Variants in YWHAE observed in about 807,000 individuals in gnomAD.
YWHAE encodes the protein 14-3-3 protein epsilon.
Under a neutral mutation model 30.1 loss-of-function variants are expected in YWHAE, and 4 were observed. The observed-to-expected ratio is 0.13, with a 90% confidence interval of 0.07 to 0.30. The LOEUF is 0.30. Ranked by LOEUF, YWHAE falls within the 10% of genes least tolerant of loss-of-function variation. The probability of loss-of-function intolerance (pLI) is 1.00; values close to 1 mark genes in which losing one functional copy is unlikely to be tolerated. For missense variants in YWHAE, 121 were observed against 315.9 expected, an observed-to-expected ratio of 0.38 and a Z score of 4.68; for synonymous variants, 118 against 111.8, an observed-to-expected ratio of 1.06 and a Z score of -0.35.
At chr17:1,366,996 T>C (rs191400722) in intron 1 of YWHAE, among the ~76,000 whole-genome samples, 2 of 152,104 alleles carry the variant, frequency 1.3e-5, no homozygotes, top group African/African-American at 2.4e-5. Context: ...GGAGTGTGCC[T>C]AATGTATCCA....
At chr17:1,380,631 G>C in intron 1 of YWHAE, among the ~76,000 whole-genome samples, 1 of 152,064 alleles carries the variant, frequency 6.6e-6, no homozygotes, top group East Asian at 1.9e-4. Context: ...AAACAAAACC[G>C]GAATCCAGAC....
intron 3 of YWHAE, 138 bp from the exon 4 acceptor site, chr17:1,361,436 T>G (rs2072863784): frequency 3.1e-6 from 2 of 638,550 alleles, no homozygotes; most frequent in South Asian, 5.7e-5. Context: ...CTTCAATAAT[T>G]TTAAACACTC....
chr17:1,356,215 C>CACACAA (rs1320076580), intron 4 of YWHAE, among the ~76,000 whole-genome samples: 1 of 135,652 alleles, frequency 7.4e-6, no homozygotes, highest in South Asian at 2.4e-4. Context: ...CACACACACA[C>CACACAA]AAAATTAGCC....
chr17:1,379,461 G>C (rs528576717), intron 1 of YWHAE, among the ~76,000 whole-genome samples: 1 of 152,190 alleles, frequency 6.6e-6, no homozygotes, highest in South Asian at 2.1e-4. Flanking sequence ...CTCCAGCCTG[G>C]GCAAAGAAAG....
intron 5 of YWHAE, among the ~76,000 whole-genome samples, chr17:1,350,262 A>G (rs1555638093): frequency 1.3e-5 from 2 of 151,868 alleles, no homozygotes; most frequent in Non-Finnish European, 2.9e-5. Flanking sequence ...GTATTACCCT[A>G]TTTTAAGATG....
At chr17:1,371,063 A>G (rs1462636367) in intron 1 of YWHAE, among the ~76,000 whole-genome samples, 1 of 151,970 alleles carries the variant, frequency 6.6e-6, no homozygotes, top group Non-Finnish European at 1.5e-5. Context: ...CAGGGTGACC[A>G]AGTACTGTGT....
At chr17:1,378,763 T>A (rs2073161891) in intron 1 of YWHAE, among the ~76,000 whole-genome samples, 1 of 152,112 alleles carries the variant, frequency 6.6e-6, no homozygotes, top group Non-Finnish European at 1.5e-5. Flanking sequence ...TTGGCCAACA[T>A]GGTGAAATCC....
chr17:1,399,804 A>G, intron 1 of YWHAE: 2 of 111,202 alleles, frequency 1.8e-5, no homozygotes, highest in South Asian at 2.6e-4. Flanking sequence ...CAACTCCTCC[A>G]CCCCGTCGCC....
intron 1 of YWHAE, among the ~76,000 whole-genome samples, chr17:1,376,907 C>G (rs904647524): frequency 6.6e-6 from 1 of 151,112 alleles, no homozygotes; most frequent in African/African-American, 2.4e-5. Context: ...CTTACCAAAG[C>G]ACACAGGGTC....
intron 5 of YWHAE, among the ~76,000 whole-genome samples, chr17:1,353,282 C>A (rs1208501828): frequency 6.6e-6 from 1 of 151,072 alleles, no homozygotes; most frequent in East Asian, 2.0e-4. Flanking sequence ...ACTAAAAATA[C>A]AAAAAACTAG....
chr17:1,383,107 T>C (rs1307996004), intron 1 of YWHAE, among the ~76,000 whole-genome samples: 2 of 151,198 alleles, frequency 1.3e-5, no homozygotes, highest in African/African-American at 4.9e-5. Flanking sequence ...TCCCAGCACT[T>C]TGGGAGGCCG....
intron 5 of YWHAE, among the ~76,000 whole-genome samples, chr17:1,350,836 G>A (rs1166496432): frequency 6.6e-6 from 1 of 151,538 alleles, no homozygotes; most frequent in Non-Finnish European, 1.5e-5. Flanking sequence ...GAGGCAGGTG[G>A]ACCACGAGGT....
chr17:1,365,298 C>T (rs955437920), intron 1 of YWHAE, among the ~76,000 whole-genome samples: 3 of 152,042 alleles, frequency 2.0e-5, no homozygotes, highest in African/African-American at 7.3e-5. Flanking sequence ...CATATACTAT[C>T]TAATATAATT....
chr17:1,365,110 A>G, intron 1 of YWHAE, 52 bp from the exon 2 acceptor site: 3 of 1,559,368 alleles, frequency 1.9e-6, no homozygotes, highest in Non-Finnish European at 2.6e-6. Flanking sequence ...TTTTCTTAAC[A>G]TATTCCTTTC....
At chr17:1,395,563 T>C (rs1299626196) in intron 1 of YWHAE, among the ~76,000 whole-genome samples, 5 of 152,146 alleles carry the variant, frequency 3.3e-5, no homozygotes, top group Admixed American at 1.3e-4. Flanking sequence ...GTTCTGTCTA[T>C]GCATTTAAGA....
intron 1 of YWHAE, among the ~76,000 whole-genome samples, chr17:1,398,334 T>TCA (rs1555648138): frequency 5.9e-5 from 6 of 100,882 alleles, no homozygotes; most frequent in African/African-American, 3.1e-4. Context: ...CCCCATCTTA[T>TCA]CCCCCCCCCC....
intron 1 of YWHAE, among the ~76,000 whole-genome samples, chr17:1,366,473 G>C (rs1418552540): frequency 6.6e-6 from 1 of 152,148 alleles, no homozygotes; most frequent in Non-Finnish European, 1.5e-5. Context: ...AGGAGGCAGA[G>C]ATTGCAACTG....
intron 4 of YWHAE, among the ~76,000 whole-genome samples, chr17:1,359,556 A>T (rs2072818818): frequency 6.6e-6 from 1 of 152,156 alleles, no homozygotes; most frequent in Admixed American, 6.6e-5. Flanking sequence ...TTTTACATGG[A>T]TAAAAACATT....
intron 1 of YWHAE, among the ~76,000 whole-genome samples, chr17:1,388,101 GTTTTT>G (rs1291752445): frequency 1.4e-4 from 9 of 62,390 alleles, no homozygotes; most frequent in East Asian, 9.4e-4. Context: ...GGTAATTTTT[GTTTTT>G]TTTTTTGGTT....
Sources: gnomAD v4.1 joint callset for allele counts (sites outside exome capture counted in the v4.1 genomes callset) on GRCh38, gnomAD v4.1.1 for gene constraint, MANE v1.5 for transcripts, NCBI Gene and HGNC (gene_info 2026-07-23, HGNC 2026-07-21) for gene names.